FHOD3: variants seen among roughly 807,000 people sequenced by gnomAD.
FHOD3 encodes formin homology 2 domain containing 3.
In FHOD3, 90 loss-of-function variants were observed where a neutral mutation model predicts 173.0. The ratio of observed to expected loss-of-function variants is 0.52; its 90% confidence interval spans 0.44 to 0.62. FHOD3 has a LOEUF of 0.62. Among genes scored for constraint, FHOD3 ranks in the 20% least tolerant of loss-of-function variants. FHOD3 has a pLI of 0.00. For missense variants in FHOD3, 1,945 were observed against 2,034.7 expected, an observed-to-expected ratio of 0.96 and a Z score of 0.85; for synonymous variants, 828 against 823.0, an observed-to-expected ratio of 1.01 and a Z score of -0.10.
At chr18:36,419,038 T>C (rs1433338676) in intron 3 of FHOD3, among the ~76,000 whole-genome samples, 1 of 152,054 alleles carries the variant, frequency 6.6e-6, no homozygotes, top group Non-Finnish European at 1.5e-5. Context: ...GTAAAAAACG[T>C]GTATGGTTCT....
At chr18:36,619,454 T>C (rs1244493308) in intron 9 of FHOD3, among the ~76,000 whole-genome samples, 1 of 152,256 alleles carries the variant, frequency 6.6e-6, no homozygotes, top group African/African-American at 2.4e-5. Flanking sequence ...AGGCTAGAGC[T>C]ATACTGGACT....
intron 10 of FHOD3, among the ~76,000 whole-genome samples, chr18:36,637,391 C>T (rs899795551): frequency 1.1e-4 from 16 of 152,140 alleles, no homozygotes; most frequent in Admixed American, 5.2e-4. Flanking sequence ...GCAACCTCCG[C>T]CTCCTGAGTT....
At chr18:36,717,299 C>T (rs1274934130) in intron 18 of FHOD3, among the ~76,000 whole-genome samples, 2 of 152,140 alleles carry the variant, frequency 1.3e-5, no homozygotes, top group East Asian at 3.9e-4. Flanking sequence ...AGGCAGCATT[C>T]AGCCCCCTGG....
At chr18:36,626,581 T>C (rs988604153) in intron 10 of FHOD3, among the ~76,000 whole-genome samples, 3 of 152,098 alleles carry the variant, frequency 2.0e-5, no homozygotes, top group African/African-American at 7.2e-5. Context: ...TGAGGGACTT[T>C]AGGCTCCAGT....
At chr18:36,301,961 C>G (rs1347658501) in intron 1 of FHOD3, among the ~76,000 whole-genome samples, 2 of 152,214 alleles carry the variant, frequency 1.3e-5, no homozygotes, top group African/African-American at 2.4e-5. Flanking sequence ...TTTGCCTGAG[C>G]TGAGAACCAT....
chr18:36,319,304 A>T (rs1179063555), intron 1 of FHOD3, among the ~76,000 whole-genome samples: 2 of 152,218 alleles, frequency 1.3e-5, no homozygotes, highest in Non-Finnish European at 2.9e-5. Context: ...TGGAAAGCAA[A>T]AAATAAATAA....
chr18:36,456,511 A>G (rs1546565), intron 3 of FHOD3, among the ~76,000 whole-genome samples: 22,505 of 152,022 alleles, frequency 0.15, 3,873 homozygotes, highest in African/African-American at 0.41. Context: ...ATGTGTTCCT[A>G]TGTCATGGGT....
chr18:36,384,089 G>A (rs918544603), intron 3 of FHOD3, among the ~76,000 whole-genome samples: 6 of 152,192 alleles, frequency 3.9e-5, no homozygotes, highest in Non-Finnish European at 7.3e-5. Context: ...AAAAGGGGAT[G>A]ATAATATCGC....
At chr18:36,435,737 T>C (rs2050778269) in intron 3 of FHOD3, among the ~76,000 whole-genome samples, 1 of 152,218 alleles carries the variant, frequency 6.6e-6, no homozygotes, top group Non-Finnish European at 1.5e-5. Flanking sequence ...ATTTGCTAAG[T>C]GGCAATTCTT....
chr18:36,543,945 T>C (rs1209213744), intron 5 of FHOD3, among the ~76,000 whole-genome samples: 1 of 152,200 alleles, frequency 6.6e-6, no homozygotes, highest in Non-Finnish European at 1.5e-5. Flanking sequence ...TAATTGTCCT[T>C]GGAGTGGGGC....
At chr18:36,449,831 T>C (rs1335958754) in intron 3 of FHOD3, among the ~76,000 whole-genome samples, 1 of 152,150 alleles carries the variant, frequency 6.6e-6, no homozygotes, top group African/African-American at 2.4e-5. Context: ...CCAGGTTGGG[T>C]GAATGAACAC....
chr18:36,628,133 C>G (rs1350496355), intron 10 of FHOD3, among the ~76,000 whole-genome samples: 1 of 152,196 alleles, frequency 6.6e-6, no homozygotes, highest in Non-Finnish European at 1.5e-5. Flanking sequence ...AGTCTCCACT[C>G]AGATGGTCCT....
chr18:36,653,354 T>C lies in FHOD3; in HGVS notation c.1659T>C (p.Ser553=), dbSNP rs1310232237. The change falls in exon 13 of 29, where the codon TCT becomes TCC. Residue 553 remains serine, a synonymous_variant. Transcript: ENST00000590592. ...ESQKENSSSD[S]FSLSTYSASE... is the part of the protein sequence containing the mutation. ...CTTCCTTTGACAGTTCCTCTGATTC[T>C]TTCTCTTTGAGCACATATTCTGCCT... 1.3e-6 allele frequency: 2 copies of C among 1,534,894 alleles called. No individual in the cohort carries two copies.
intron 20 of FHOD3, among the ~76,000 whole-genome samples, chr18:36,735,592 A>G (rs1319897716): frequency 6.6e-6 from 1 of 152,244 alleles, no homozygotes; most frequent in Non-Finnish European, 1.5e-5. Context: ...AAAGTGCCTC[A>G]ATGAATAATC....
chr18:36,479,690 A>G (rs1025294236), intron 3 of FHOD3, among the ~76,000 whole-genome samples: 1 of 152,192 alleles, frequency 6.6e-6, no homozygotes, highest in African/African-American at 2.4e-5. Flanking sequence ...CTCTTTGACT[A>G]TATAGCGTGA....
chr18:36,658,877 A>G (rs913109903), intron 14 of FHOD3, among the ~76,000 whole-genome samples: 2 of 152,326 alleles, frequency 1.3e-5, no homozygotes, highest in Non-Finnish European at 2.9e-5. Flanking sequence ...AATGCCAATT[A>G]CACCAACCCA....
chr18:36,301,834 T>G (rs960099917), intron 1 of FHOD3, among the ~76,000 whole-genome samples: 1 of 152,236 alleles, frequency 6.6e-6, no homozygotes, highest in African/African-American at 2.4e-5. Flanking sequence ...ACTGGTGACT[T>G]TTTTAGTGTA....
Position 36,718,516 on chromosome 18 carries a change from C to G in FHOD3, c.3218C>G (p.Pro1073Arg). 1 of 1,614,024 alleles carries G rather than the reference C, an allele frequency of 6.2e-7. No individual in the cohort carries two copies. Among genetic ancestry groups the G allele is most frequent in the Non-Finnish European group, 8.5e-7 (1 of 1,180,018 alleles). The change falls in exon 19 of 29, where the codon CCC becomes CGC. Residue 1073 changes from proline to arginine, a missense_variant. Coordinates refer to ENST00000590592, the MANE Select transcript of FHOD3 (RefSeq NM_001281740.3). Reference sequence around the variant, plus strand: ...CAGGGCTTAGGGTGGTCCCAGGTACCCAGGGGTCAGCCCACATTCACTAAG... The same window carrying G: ...CAGGGCTTAGGGTGGTCCCAGGTACGCAGGGGTCAGCCCACATTCACTAAG... ...APQGLGWSQV[P>R]RGQPTFTKKK...
At chr18:36,423,601 C>T (rs1433233349) in intron 3 of FHOD3, among the ~76,000 whole-genome samples, 3 of 152,148 alleles carry the variant, frequency 2.0e-5, no homozygotes, top group African/African-American at 7.2e-5. Flanking sequence ...GTAGAAGTAC[C>T]TGGAGGCTCC....
Sources: gnomAD v4.1 joint callset for allele counts (sites outside exome capture counted in the v4.1 genomes callset) on GRCh38, gnomAD v4.1.1 for gene constraint, MANE v1.5 for transcripts, NCBI Gene and HGNC (gene_info 2026-07-23, HGNC 2026-07-21) for gene names.